GLCE: variants seen among roughly 807,000 people sequenced by gnomAD.
GLCE encodes D-glucuronyl C5-epimerase.
A neutral mutation model predicts 47.9 loss-of-function variants in GLCE; 19 were observed. The ratio of observed to expected loss-of-function variants is 0.40; its 90% CI spans 0.28 to 0.58. The LOEUF is 0.58. GLCE is among the 20% of genes least tolerant of loss of function. The pLI is 0.48. For synonymous variants in GLCE, 245 were observed against 263.4 expected, an observed-to-expected ratio of 0.93 and a Z score of 0.68; for missense variants, 556 against 743.3, an observed-to-expected ratio of 0.75 and a Z score of 2.93.
intron 1 of GLCE, among the ~76,000 whole-genome samples, chr15:69,188,931 GA>G (rs1438362295): frequency 2.6e-5 from 4 of 152,122 alleles, no homozygotes; most frequent in Non-Finnish European, 1.5e-5. Context: ...AAATTGAGTG[GA>G]AAATACAGAG....
At chr15:69,214,551 T>C (rs1167873705) in intron 2 of GLCE, among the ~76,000 whole-genome samples, 1 of 152,172 alleles carries the variant, frequency 6.6e-6, no homozygotes, top group Non-Finnish European at 1.5e-5. Flanking sequence ...CCTCTTTCCT[T>C]TATAAATTAC....
intron 2 of GLCE, among the ~76,000 whole-genome samples, chr15:69,253,349 A>G (rs1034890506): frequency 2.0e-5 from 3 of 152,250 alleles, no homozygotes; most frequent in African/African-American, 7.2e-5. Context: ...GAACACTGCC[A>G]GTCAGCTTAT....
rs532301725 is a variant in GLCE, at chr15:69,208,223, G to A, written c.-104-2093G>A. 2.6e-5 allele frequency among the ~76,000 whole-genome samples: 4 copies of A among 151,994 alleles called. No homozygotes were observed. In the South Asian group the frequency reaches 8.3e-4, roughly 32 times the overall value. On this transcript the variant is annotated intron_variant, in intron 1 of 4. Coordinates refer to ENST00000261858, the MANE Select transcript of GLCE (RefSeq NM_015554.3). ...ATCTCAGAACTCTGCTTAACTTCAG[G>A]TAACAAAGATTTTCTTCTTCTTTGT...
chr15:69,265,192 AAC>A (rs2053068144), intron 4 of GLCE, among the ~76,000 whole-genome samples: 1 of 152,186 alleles, frequency 6.6e-6, no homozygotes, highest in South Asian at 2.1e-4. Flanking sequence ...ACCAAAAATA[AAC>A]AGTTATAGTA....
intron 1 of GLCE, among the ~76,000 whole-genome samples, chr15:69,162,220 A>G (rs552848192): frequency 1.3e-5 from 2 of 152,260 alleles, no homozygotes; most frequent in South Asian, 4.1e-4. Context: ...TTGTATTGTA[A>G]AAGTGTATTT....
intron 1 of GLCE, among the ~76,000 whole-genome samples, chr15:69,186,291 A>G (rs2051822813): frequency 6.6e-6 from 1 of 152,160 alleles, no homozygotes; most frequent in Non-Finnish European, 1.5e-5. Flanking sequence ...TAGAGCCGAT[A>G]AAAGGAGAAG....
At position 69,232,951 on chromosome 15, in the gene GLCE, C is replaced by T. The variant is rs150207865; in HGVS notation, c.-14+22545C>T. Among the ~76,000 whole-genome samples the T allele has an allele frequency of 4.7e-4, 72 of 152,064 alleles. 1 individual carries two copies. Among genetic ancestry groups the T allele is most frequent in the African/African-American group, 1.6e-3 (68 of 41,474 alleles). ...TGTTTGGGTGGAGAATATGCTTTTT[C>T]GGGAGGAGCAGCAGACAGTAGGAAA... On this transcript the variant is annotated intron_variant, in intron 2 of 4. Transcript: ENST00000261858.
intron 3 of GLCE, among the ~76,000 whole-genome samples, chr15:69,257,161 G>A (rs1371955022): frequency 6.6e-6 from 1 of 152,108 alleles, no homozygotes; most frequent in Non-Finnish European, 1.5e-5. Flanking sequence ...AAAGAAGTTT[G>A]TGCTCACTTG....
intron 2 of GLCE, among the ~76,000 whole-genome samples, chr15:69,220,763 T>G (rs1459062543): frequency 6.6e-6 from 1 of 152,228 alleles, no homozygotes; most frequent in Non-Finnish European, 1.5e-5. Context: ...TGTCTTTTGA[T>G]GCACAACATT....
At chr15:69,204,175 C>G (rs566952814) in intron 1 of GLCE, among the ~76,000 whole-genome samples, 1 of 151,474 alleles carries the variant, frequency 6.6e-6, no homozygotes, top group Non-Finnish European at 1.5e-5. Context: ...AGAAATACTT[C>G]TGAAATACTG....
chr15:69,176,292 G>A lies in GLCE; in HGVS notation c.-105+15535G>A, dbSNP rs372410991. On this transcript the variant is annotated intron_variant, in intron 1 of 4. Coordinates refer to ENST00000261858, the MANE Select transcript of GLCE (RefSeq NM_015554.3). ...GGCTGGAGTGCAGTGGTGTGATTTC[G>A]GGCTCACTGCAACCTCCACCTCCTG... 4.9e-5 allele frequency among the ~76,000 whole-genome samples: 6 copies of A among 122,422 alleles called. No individual in the cohort carries two copies. In the East Asian group the frequency reaches 8.2e-4, roughly 17 times the overall value. 80.3% of individuals were successfully genotyped at this position (122,422 alleles called of 152,430 possible). A position where few individuals can be genotyped will look rare whatever the true frequency, so the allele number is the denominator to read the frequency against.
At chr15:69,168,097 C>T (rs1251276364) in intron 1 of GLCE, among the ~76,000 whole-genome samples, 11 of 151,850 alleles carry the variant, frequency 7.2e-5, no homozygotes, top group Admixed American at 5.9e-4. Context: ...TTTCACTATC[C>T]AACATACTCT....
rs1310595608 is a variant in GLCE at position 69,256,347 on chromosome 15, A to G, written c.541A>G (p.Asn181Asp). The G allele has an allele frequency of 1.9e-6, 3 of 1,613,744 alleles. No individual in the cohort carries two copies. Among genetic ancestry groups the G allele is most frequent in the Non-Finnish European group, 2.5e-6 (3 of 1,179,922 alleles). The change falls in exon 3 of 5, where the codon AAT becomes GAT. Residue 181 changes from asparagine (N) to aspartate (D), a missense_variant. Asn to Asp is a conservative substitution (Grantham distance 23, BLOSUM62 1). This residue lies in a region of GLCE where 237 missense variants were observed against 310.9 expected (regional missense o/e 0.76). Transcript: ENST00000261858. ...TGTGTTTATGTCTTTTGAAGGCTACAATGTGGAAGTCCGAGACAGAGTCAA... is the reference window on the plus strand; with the variant it reads ...TGTGTTTATGTCTTTTGAAGGCTACGATGTGGAAGTCCGAGACAGAGTCAA... ...DGVFMSFEGYNVEVRDRVKCI... is the reference protein window; with the variant it reads ...DGVFMSFEGYDVEVRDRVKCI...
At chr15:69,261,002 C>A in intron 3 of GLCE, 85 bp from the exon 4 acceptor site, 1 of 1,287,858 alleles carries the variant, frequency 7.8e-7, no homozygotes, top group Non-Finnish European at 1.1e-6. Context: ...TAAGATCCCC[C>A]AGAAGTAAAT....
At chr15:69,246,085 A>G (rs1250099642) in intron 2 of GLCE, among the ~76,000 whole-genome samples, 1 of 151,592 alleles carries the variant, frequency 6.6e-6, no homozygotes, top group Non-Finnish European at 1.5e-5. Context: ...ATCTCAAGAA[A>G]CCACTTTCTT....
chr15:69,235,093 CTTTTTTTTTTTTTTTTTTT>C (rs869212730), intron 2 of GLCE, among the ~76,000 whole-genome samples: 5 of 62,884 alleles, frequency 8.0e-5, no homozygotes, highest in South Asian at 1.6e-3. Flanking sequence ...GAAGATTATT[CTTTTTTTTTTTTTTTTTTT>C]TTTTTTTTTT....
chr15:69,192,955 G>T (rs181634620), intron 1 of GLCE, among the ~76,000 whole-genome samples: 1 of 151,944 alleles, frequency 6.6e-6, no homozygotes, highest in African/African-American at 2.4e-5. Context: ...GTTTTATTTT[G>T]CCCAGCCTCT....
intron 1 of GLCE, among the ~76,000 whole-genome samples, chr15:69,173,463 T>C (rs2051616383): frequency 6.6e-6 from 1 of 152,176 alleles, no homozygotes; most frequent in Non-Finnish European, 1.5e-5. Flanking sequence ...ATCTTTTGCA[T>C]TGCAGTCTGG....
intron 4 of GLCE, among the ~76,000 whole-genome samples, chr15:69,262,981 A>G (rs1047956297): frequency 1.3e-5 from 2 of 152,174 alleles, no homozygotes; most frequent in Non-Finnish European, 2.9e-5. Context: ...ATTCTTTTAT[A>G]TTTCATATGC....
Sources: allele counts gnomAD v4.1 joint callset (sites outside exome capture counted in the v4.1 genomes callset), GRCh38; gene constraint gnomAD v4.1.1; regional missense constraint gnomAD v4.1.1; transcripts MANE v1.5; gene names NCBI Gene and HGNC (gene_info 2026-07-23, HGNC 2026-07-21).